Variants in LRPPRC observed in about 807,000 individuals in gnomAD.
The protein encoded by LRPPRC is leucine rich pentatricopeptide repeat containing.
A neutral mutation model predicts 180.3 loss-of-function variants in LRPPRC; 120 were observed. The ratio of observed to expected loss-of-function variants is 0.67; its 90% CI spans 0.57 to 0.77. LRPPRC has a LOEUF of 0.77. LRPPRC is among the 30% of genes least tolerant of loss of function. The pLI is 0.00. For missense variants in LRPPRC, 2,012 were observed against 1,657.2 expected, an observed-to-expected ratio of 1.21 and a Z score of -3.72; for synonymous variants, 723 against 600.0, an observed-to-expected ratio of 1.21 and a Z score of -3.00.
At chr2:43,959,877 G>A (rs762433378) in intron 13 of LRPPRC, among the ~76,000 whole-genome samples, 5 of 152,080 alleles carry the variant, frequency 3.3e-5, no homozygotes, top group Non-Finnish European at 5.9e-5. Flanking sequence ...GAGTGAGACT[G>A]TGTCTCAAAA....
chr2:43,926,092 T>C (rs1671868510), intron 25 of LRPPRC, 131 bp from the exon 26 acceptor site: 7 of 626,638 alleles, frequency 1.1e-5, no homozygotes, highest in Non-Finnish European at 2.0e-5. Context: ...TACTAAACTA[T>C]ATATACTAGT....
chr2:43,922,912 T>G (rs1027619376), intron 27 of LRPPRC, among the ~76,000 whole-genome samples: 3 of 152,122 alleles, frequency 2.0e-5, no homozygotes, highest in African/African-American at 4.8e-5. Flanking sequence ...CGGCAGAAGG[T>G]AGGAAGTATA....
chr2:43,908,436 T>C (rs892205744), intron 30 of LRPPRC, among the ~76,000 whole-genome samples: 4 of 152,188 alleles, frequency 2.6e-5, no homozygotes, highest in African/African-American at 7.2e-5. Flanking sequence ...GTAAATAAAA[T>C]TGAAGAAATC....
chr2:43,982,321 A>T lies in LRPPRC; in HGVS notation c.263T>A (p.Met88Lys). Residue 88 changes from methionine (M) to lysine (K), a missense_variant, in exon 2 of 38, where the codon ATG (methionine) becomes AAG (lysine). Coordinates refer to ENST00000260665, the MANE Select transcript of LRPPRC (RefSeq NM_133259.4). ...KISNQFDWAL[M>K]RLDLSVRRTG... The stretch of plus-strand genomic sequence containing the variant: ...TCTTCGAACAGAAAGATCTAGTCTC[A>T]TTAGAGCCCAATCAAACTGATTGGA... 6.2e-7 allele frequency: 1 copy of T among 1,613,328 alleles called. No individual in the cohort carries two copies. The highest frequency in any genetic ancestry group is 8.5e-7 in the Non-Finnish European group (1 of 1,179,642).
intron 11 of LRPPRC, among the ~76,000 whole-genome samples, chr2:43,966,834 T>C (rs1673582835): frequency 1.3e-5 from 2 of 151,848 alleles, no homozygotes; most frequent in Admixed American, 6.6e-5. Context: ...GTGGATCACC[T>C]GAAGTCAGGA....
At chr2:43,924,517 G>A (rs1671808358) in intron 27 of LRPPRC, among the ~76,000 whole-genome samples, 1 of 152,150 alleles carries the variant, frequency 6.6e-6, no homozygotes, top group African/African-American at 2.4e-5. Flanking sequence ...ATGATAGGCT[G>A]AATAAATTTT....
chr2:43,890,551 A>T (rs1670453567), intron 36 of LRPPRC, among the ~76,000 whole-genome samples: 1 of 152,094 alleles, frequency 6.6e-6, no homozygotes, highest in African/African-American at 2.4e-5. Context: ...GTCTCTACTA[A>T]AAATACAAAA....
rs1674217241 is a variant in LRPPRC at position 43,979,683 on chromosome 2, C to T, written c.469+143G>A. The stretch of plus-strand genomic sequence containing the variant: ...TGACCCTAGATGTCACTATACCTCA[C>T]CAAATAAATATTATCAAAAAATTAT... On this transcript the variant is annotated intron_variant, in intron 3 of 37. Transcript: ENST00000260665. The T allele has an allele frequency of 1.3e-5, 9 of 698,230 alleles. No individual in the cohort carries two copies. In the South Asian group the frequency reaches 1.6e-4, roughly 12 times the overall value. The allele number at this position is 698,230 out of a possible 1,614,324, so 43.3% of individuals were successfully genotyped here.
intron 29 of LRPPRC, among the ~76,000 whole-genome samples, chr2:43,913,547 A>G (rs1469158022): frequency 6.6e-6 from 1 of 152,222 alleles, no homozygotes; most frequent in African/African-American, 2.4e-5. Flanking sequence ...GAATGTGTGC[A>G]TTAGTCCCTT....
At chr2:43,968,411 T>C (rs1451278557) in intron 11 of LRPPRC, among the ~76,000 whole-genome samples, 3 of 152,226 alleles carry the variant, frequency 2.0e-5, no homozygotes, top group Non-Finnish European at 2.9e-5. Flanking sequence ...TGAAATATTA[T>C]ACATAGGCAT....
At position 43,888,659 on chromosome 2, in the gene LRPPRC, G is replaced by C; in HGVS notation, c.4129-3C>G. ...TGTGCATAAAATTCAAAGCTTTCCT[G>C]TTAAGGAGAAAAAAAGAGGGAAGTT... On this transcript the variant is annotated splice_region_variant and splice_polypyrimidine_tract_variant and intron_variant, in intron 37 of 37. Transcript: ENST00000260665. 6.4e-7 allele frequency: 1 copy of C among 1,572,544 alleles called. No homozygotes were observed. The highest frequency in any genetic ancestry group is 8.8e-7 in the Non-Finnish European group (1 of 1,142,550).
At chr2:43,955,725 G>A (rs1305722494) in intron 14 of LRPPRC, among the ~76,000 whole-genome samples, 3 of 151,980 alleles carry the variant, frequency 2.0e-5, no homozygotes, top group Admixed American at 6.6e-5. Context: ...GGGACAGAGC[G>A]AGACCCTATC....
intron 23 of LRPPRC, among the ~76,000 whole-genome samples, chr2:43,937,981 TAAC>T (rs1672334370): frequency 6.6e-6 from 1 of 152,140 alleles, no homozygotes; most frequent in South Asian, 2.1e-4. Flanking sequence ...TGCTAAGAAA[TAAC>T]AATAATCCTC....
At chr2:43,947,694 A>G (rs769139645) in intron 19 of LRPPRC, 37 bp downstream of exon 19, 2 of 1,193,300 alleles carry the variant, frequency 1.7e-6, no homozygotes, top group African/African-American at 3.0e-5. Context: ...AAATATGGGT[A>G]TTATAGCATG....
chr2:43,983,469 A>AT (rs1674399174), intron 1 of LRPPRC, among the ~76,000 whole-genome samples: 1 of 152,184 alleles, frequency 6.6e-6, no homozygotes, highest in Non-Finnish European at 1.5e-5. Flanking sequence ...AAAATATCAG[A>AT]TAAAAAATAA....
chr2:43,907,582 G>C (rs2105004273), intron 30 of LRPPRC, among the ~76,000 whole-genome samples: 1 of 152,202 alleles, frequency 6.6e-6, no homozygotes, highest in Middle Eastern at 3.4e-3. Flanking sequence ...CTACTCTGAT[G>C]AAGAAACAGA....
intron 31 of LRPPRC, among the ~76,000 whole-genome samples, chr2:43,905,133 A>C (rs1209158701): frequency 6.6e-6 from 1 of 152,236 alleles, no homozygotes; most frequent in Admixed American, 6.5e-5. Context: ...AACTTCAAAC[A>C]AACACTGTAT....
At chr2:43,944,996 C>T (rs550338426) in intron 22 of LRPPRC, among the ~76,000 whole-genome samples, 2 of 152,060 alleles carry the variant, frequency 1.3e-5, no homozygotes, top group Non-Finnish European at 2.9e-5. Context: ...AGCCTTCAGA[C>T]CTTCTTAAGC....
intron 37 of LRPPRC, among the ~76,000 whole-genome samples, 173 bp from the exon 38 acceptor site, chr2:43,888,829 G>C (rs1421889273): frequency 6.6e-6 from 1 of 150,380 alleles, no homozygotes; most frequent in East Asian, 1.9e-4. Context: ...ACAAGTTCAA[G>C]GGCCTCGGGT....
Sources: allele counts gnomAD v4.1 joint callset (sites outside exome capture counted in the v4.1 genomes callset), GRCh38; gene constraint gnomAD v4.1.1; transcripts MANE v1.5; gene names NCBI Gene and HGNC (gene_info 2026-07-23, HGNC 2026-07-21).